Variants in CDH12 observed in about 807,000 individuals in gnomAD.
The protein encoded by CDH12 is cadherin-12.
A neutral mutation model predicts 74.1 loss-of-function variants in CDH12; 41 were observed. The ratio of observed to expected loss-of-function variants is 0.55; its 90% confidence interval spans 0.43 to 0.72. The LOEUF (loss-of-function observed/expected upper bound fraction) is 0.72, where lower values mean the gene tolerates loss of function less well. Ranked by LOEUF, CDH12 falls within the 30% of genes least tolerant of loss-of-function variation. The pLI, the probability that CDH12 is intolerant of heterozygous loss-of-function variation, is 0.00. For synonymous variants in CDH12, 399 were observed against 355.0 expected (o/e 1.12, Z -1.39); for missense variants, 945 against 977.2 (o/e 0.97, Z 0.44).
At chr5:22,751,495 C>T (rs2127035080) in intron 1 of CDH12, among the ~76,000 whole-genome samples, 1 of 151,756 alleles carries the variant, frequency 6.6e-6, no homozygotes, top group South Asian at 2.1e-4. Context: ...TCATTATTTT[C>T]CCTAGATGTC....
intron 1 of CDH12, among the ~76,000 whole-genome samples, chr5:22,695,650 C>T (rs1170604927): frequency 6.6e-6 from 1 of 152,124 alleles, no homozygotes. Context: ...TCTTGACAAT[C>T]TTTGGGTATT....
chr5:22,298,250 A>ATG (rs1289023594), intron 3 of CDH12, among the ~76,000 whole-genome samples: 6 of 151,476 alleles, frequency 4.0e-5, no homozygotes, highest in Admixed American at 6.6e-5. Flanking sequence ...ATTCATGTGT[A>ATG]TGTGTGTATA....
intron 1 of CDH12, among the ~76,000 whole-genome samples, chr5:22,805,211 T>G (rs1263672477): frequency 6.6e-6 from 1 of 151,992 alleles, no homozygotes; most frequent in East Asian, 1.9e-4. Flanking sequence ...CAAATATAAA[T>G]GAAAAAATAG....
intron 8 of CDH12, among the ~76,000 whole-genome samples, chr5:21,821,932 A>G (rs931047360): frequency 1.3e-5 from 2 of 151,952 alleles, no homozygotes; most frequent in African/African-American, 2.4e-5. Flanking sequence ...TTAAATATGT[A>G]TCACACAAAA....
intron 1 of CDH12, among the ~76,000 whole-genome samples, chr5:22,595,559 T>G (rs1736563707): frequency 6.6e-6 from 1 of 152,196 alleles, no homozygotes; most frequent in Non-Finnish European, 1.5e-5. Flanking sequence ...ATATTCACTG[T>G]AAATTTTTGC....
chr5:21,978,271 A>G (rs1757153017), intron 5 of CDH12, among the ~76,000 whole-genome samples: 1 of 152,048 alleles, frequency 6.6e-6, no homozygotes, highest in South Asian at 2.1e-4. Flanking sequence ...CCTCCAGAGT[A>G]GCTGGAACTA....
intron 5 of CDH12, among the ~76,000 whole-genome samples, chr5:22,003,463 A>T (rs1441229301): frequency 6.6e-6 from 1 of 152,250 alleles, no homozygotes; most frequent in African/African-American, 2.4e-5. Context: ...ATTCAATCAT[A>T]GATTCTATCA....
At chr5:22,474,592 A>G (rs1746093901) in intron 2 of CDH12, among the ~76,000 whole-genome samples, 1 of 152,104 alleles carries the variant, frequency 6.6e-6, no homozygotes, top group South Asian at 2.1e-4. Context: ...TATGGTGATG[A>G]ACAATGATTA....
chr5:22,492,356 T>G (rs1466940816), intron 2 of CDH12, among the ~76,000 whole-genome samples: 2 of 151,882 alleles, frequency 1.3e-5, no homozygotes, highest in Non-Finnish European at 2.9e-5. Flanking sequence ...AAATGTTTTT[T>G]TTTTTTTTTG....
At chr5:22,487,740 GCTAGCAAAAC>G (rs1746671225) in intron 2 of CDH12, among the ~76,000 whole-genome samples, 1 of 152,060 alleles carries the variant, frequency 6.6e-6, no homozygotes, top group Admixed American at 6.6e-5. Context: ...TTACCTCAGG[GCTAGCAAAAC>G]CTACCACCTG....
At chr5:22,001,064 AAC>A (rs1345994281) in intron 5 of CDH12, among the ~76,000 whole-genome samples, 1 of 152,118 alleles carries the variant, frequency 6.6e-6, no homozygotes, top group Non-Finnish European at 1.5e-5. Context: ...AGGGAGTAAA[AAC>A]ACAGACGTGA....
intron 1 of CDH12, among the ~76,000 whole-genome samples, chr5:22,801,301 G>T (rs911571225): frequency 6.6e-6 from 1 of 152,010 alleles, no homozygotes; most frequent in African/African-American, 2.4e-5. Flanking sequence ...AGAAAATTAG[G>T]CTTCGTAGGT....
At chr5:22,600,309 G>C (rs187532454) in intron 1 of CDH12, among the ~76,000 whole-genome samples, 1 of 152,084 alleles carries the variant, frequency 6.6e-6, no homozygotes, top group African/African-American at 2.4e-5. Flanking sequence ...CTATTGTCCA[G>C]TTCCTTCCAT....
At chr5:21,977,747 T>A (rs1757130992) in intron 5 of CDH12, among the ~76,000 whole-genome samples, 1 of 152,176 alleles carries the variant, frequency 6.6e-6, no homozygotes, top group Non-Finnish European at 1.5e-5. Context: ...TTCCTTCAAA[T>A]TTAAAGATGG....
intron 1 of CDH12, among the ~76,000 whole-genome samples, chr5:22,792,409 A>T (rs1285869219): frequency 2.6e-5 from 4 of 152,060 alleles, no homozygotes; most frequent in African/African-American, 9.7e-5. Context: ...TTTGATTGCA[A>T]TTTGGCTTAC....
At chr5:22,707,283 A>C (rs931946478) in intron 1 of CDH12, among the ~76,000 whole-genome samples, 4 of 152,210 alleles carry the variant, frequency 2.6e-5, no homozygotes, top group African/African-American at 9.6e-5. Flanking sequence ...ATTTGTGCAA[A>C]TTAAATCCGT....
At chr5:21,967,649 A>G (rs1384932721) in intron 6 of CDH12, among the ~76,000 whole-genome samples, 5 of 152,202 alleles carry the variant, frequency 3.3e-5, no homozygotes, top group African/African-American at 1.2e-4. Flanking sequence ...GTTTATGTTT[A>G]GGGACACGCT....
intron 1 of CDH12, among the ~76,000 whole-genome samples, chr5:22,667,162 TC>T (rs964497725): frequency 1.5e-4 from 23 of 149,872 alleles, no homozygotes; most frequent in Non-Finnish European, 1.3e-4. Context: ...TAAATTATGG[TC>T]CCCAAATTTC....
intron 4 of CDH12, among the ~76,000 whole-genome samples, chr5:22,210,427 T>G (rs191654844): frequency 0.074 from 10,900 of 147,860 alleles, 691 homozygotes; most frequent in African/African-American, 0.17. Flanking sequence ...ATCAGTATAT[T>G]GCAAATTCAG....
Sources: gnomAD v4.1 joint callset for allele counts (sites outside exome capture counted in the v4.1 genomes callset) on GRCh38, gnomAD v4.1.1 for gene constraint, MANE v1.5 for transcripts, NCBI Gene and HGNC (gene_info 2026-07-23, HGNC 2026-07-21) for gene names.